DIDO1: variants seen among roughly 807,000 people sequenced by gnomAD.
The protein encoded by DIDO1 is death-inducer obliterator 1.
A neutral mutation model predicts 99.4 loss-of-function variants in DIDO1; 16 were observed. The ratio of observed to expected loss-of-function variants is 0.16; its 90% confidence interval spans 0.11 to 0.24. The LOEUF is 0.24. Ranked by LOEUF, DIDO1 falls within the 10% of genes least tolerant of loss-of-function variation. The pLI is 1.00. For synonymous variants in DIDO1, 1,366 were observed against 1,239.1 expected (o/e 1.10, Z -2.15); for missense variants, 2,996 against 3,014.0 (o/e 0.99, Z 0.14).
intron 1 of DIDO1, 103 bp from the exon 2 acceptor site, chr20:62,914,509 G>A (rs1372419652): frequency 6.6e-6 from 1 of 152,254 alleles, no homozygotes; most frequent in Non-Finnish European, 1.5e-5. Context: ...TTATTTGAGT[G>A]ATACTGTGTG....
intron 2 of DIDO1, among the ~76,000 whole-genome samples, chr20:62,912,945 T>C (rs2064974064): frequency 6.6e-6 from 1 of 152,078 alleles, no homozygotes. Context: ...GGCAGGAGAA[T>C]TGCTTGAATC....
intron 6 of DIDO1, chr20:62,905,591 C>T: frequency 6.4e-7 from 1 of 1,551,218 alleles, no homozygotes; most frequent in Non-Finnish European, 8.7e-7. Flanking sequence ...AATACGAATA[C>T]TTACCAGAGC....
chr20:62,882,913 GC>G (rs1181455468), intron 15 of DIDO1, among the ~76,000 whole-genome samples: 1 of 117,230 alleles, frequency 8.5e-6, no homozygotes, highest in African/African-American at 3.1e-5. Context: ...GTAACAAACA[GC>G]CTTTTTTTTT....
At chr20:62,922,997 T>A (rs2065184894) in intron 1 of DIDO1, among the ~76,000 whole-genome samples, 2 of 151,696 alleles carry the variant, frequency 1.3e-5, no homozygotes. Context: ...TATAGTGAAA[T>A]TCTTTTTGTT....
Position 62,895,133 on chromosome 20 carries a change from G to A in DIDO1, c.2247C>T (p.Ile749=), listed in dbSNP as rs1568846070. 6.2e-7 allele frequency: 1 copy of A among 1,611,824 alleles called. No homozygotes were observed. The change falls in exon 9 of 16, where the codon ATC becomes ATT. Residue 749 remains isoleucine, a synonymous_variant. Coordinates refer to ENST00000395343, the MANE Select transcript of DIDO1 (RefSeq NM_001193369.2). ...TCAGTCTCACAAGTTTCGCCAAAGA[G>A]ATTTCCTCACGCAGAACACGATGGA... ...GLFHRVLREE[I]SLAKLVRLKP...
chr20:62,917,261 G>A (rs560825947), intron 1 of DIDO1, among the ~76,000 whole-genome samples: 3 of 151,974 alleles, frequency 2.0e-5, no homozygotes, highest in African/African-American at 7.3e-5. Context: ...AAACTCCTGG[G>A]ATCAAGTGAT....
In DIDO1 at chr20:62,895,184, C is replaced by T; in HGVS notation, c.2215-19G>A. The T allele has an allele frequency of 1.9e-6, 3 of 1,580,756 alleles. No homozygotes were observed. The highest frequency in any genetic ancestry group is 2.2e-5 in the South Asian group (2 of 90,294). On this transcript the variant is annotated intron_variant, in intron 8 of 15. Coordinates refer to ENST00000395343, the MANE Select transcript of DIDO1 (RefSeq NM_001193369.2). ...AGAGTCCCTATAAACAAGTATTTTT[C>T]ATTTACTCAAATAATATTCCTATAT... is the stretch of plus-strand genomic sequence containing the variant.
chr20:62,920,283 A>T (rs944102074), intron 1 of DIDO1, among the ~76,000 whole-genome samples: 5 of 152,150 alleles, frequency 3.3e-5, no homozygotes, highest in African/African-American at 1.2e-4. Context: ...TTACAGGTTT[A>T]AATCACTGTT....
chr20:62,891,338 C>A (rs2064393592), intron 14 of DIDO1, among the ~76,000 whole-genome samples, 183 bp from the exon 15 acceptor site: 1 of 152,210 alleles, frequency 6.6e-6, no homozygotes, highest in South Asian at 2.1e-4. Context: ...GTGTCTGGAG[C>A]CGAGCCGGCT....
chr20:62,896,635 C>G lies in DIDO1; in HGVS notation c.1950G>C (p.Ser650=), dbSNP rs756256973. 6.2e-7 allele frequency: 1 copy of G among 1,613,878 alleles called. No homozygotes were observed. The highest frequency in any genetic ancestry group is 8.5e-7 in the Non-Finnish European group (1 of 1,179,804). ...TAGCCCCAAGGCGTCCTGGGGCTGGCGAGGCCATTGGAACAGAAGGTACCA... is the reference window on the plus strand; with the variant it reads ...TAGCCCCAAGGCGTCCTGGGGCTGGGGAGGCCATTGGAACAGAAGGTACCA... ...KPVVPSVPMA[S]PAPGRLGAMS... The change falls in exon 7 of 16, where the codon TCG becomes TCC. Residue 650 remains serine, a synonymous_variant. Transcript: ENST00000395343. This position sits in a 1 kb window ranked among gnomAD's most constrained non-coding sequence, Gnocchi z 4.4.
chr20:62,922,051 TA>T (rs2065153630), intron 1 of DIDO1, among the ~76,000 whole-genome samples: 1 of 122,348 alleles, frequency 8.2e-6, no homozygotes, highest in Non-Finnish European at 1.7e-5. Flanking sequence ...ATACACACAA[TA>T]TATATATACA....
chr20:62,929,695 G>GTATATATATATATATA (rs71195479), upstream of DIDO1, among the ~76,000 whole-genome samples: 20 of 97,956 alleles, frequency 2.0e-4, no homozygotes, highest in African/African-American at 7.3e-4. Flanking sequence ...AAGAAAAAGT[G>GTATATATATATATATA]TATATATATA....
chr20:62,917,341 G>C (rs2065056682), intron 1 of DIDO1, among the ~76,000 whole-genome samples: 1 of 152,062 alleles, frequency 6.6e-6, no homozygotes, highest in Non-Finnish European at 1.5e-5. Flanking sequence ...GATAATGTCG[G>C]GTCCAATCTC....
intron 2 of DIDO1, among the ~76,000 whole-genome samples, chr20:62,912,059 C>T (rs527911032): frequency 2.7e-3 from 410 of 152,316 alleles, no homozygotes; most frequent in African/African-American, 9.3e-3. Flanking sequence ...GTGAACAAGA[C>T]GCTGTGCCAG....
In DIDO1 at chr20:62,893,925, G is replaced by C. The variant is rs1180524239; in HGVS notation, c.2842C>G (p.Pro948Ala). 2.5e-6 allele frequency: 4 copies of C among 1,611,820 alleles called. No homozygotes were observed. Among genetic ancestry groups the C allele is most frequent in the African/African-American group, 1.3e-5 (1 of 74,892 alleles). The change falls in exon 12 of 16, where the codon CCC becomes GCC. Residue 948 changes from proline (P) to alanine (A), a missense_variant. Coordinates refer to ENST00000395343, the MANE Select transcript of DIDO1 (RefSeq NM_001193369.2). Reference protein sequence around the residue: ...PEPSPLEDLSPCPASCGSGVV... With the variant: ...PEPSPLEDLSACPASCGSGVV... Reference sequence around the variant, plus strand: ...CCGCTCCCACAGGAGGCTGGGCAGGGGGACAGGTCTTCCAGCGGGGAGGGC... The same window carrying C: ...CCGCTCCCACAGGAGGCTGGGCAGGCGGACAGGTCTTCCAGCGGGGAGGGC...
chr20:62,926,793 T>C (rs2065264943), upstream of DIDO1, among the ~76,000 whole-genome samples: 1 of 152,196 alleles, frequency 6.6e-6, no homozygotes, highest in Non-Finnish European at 1.5e-5. Context: ...AGGCGGAACG[T>C]GGATGCTAGC....
chr20:62,882,070 C>T lies in DIDO1; in HGVS notation c.3886G>A (p.Ala1296Thr). The T allele has an allele frequency of 1.9e-6, 3 of 1,613,612 alleles. No homozygotes were observed. The highest frequency in any genetic ancestry group is 2.5e-6 in the Non-Finnish European group (3 of 1,180,034). ...GCGGTGGAGGAAGCTGCCGTGGAGGCTGCCGCTGCTGTTGTGGCTGCTGTG... is the reference window on the plus strand; with the variant it reads ...GCGGTGGAGGAAGCTGCCGTGGAGGTTGCCGCTGCTGTTGTGGCTGCTGTG... Reference protein sequence around the residue: ...PATAATTAAAASTAASSTASS... With the variant: ...PATAATTAAATSTAASSTASS... Residue 1296 changes from alanine (A) to threonine (T), a missense_variant, in exon 16 of 16, where the codon GCC becomes ACC. By Grantham distance (58) the Ala-to-Thr change is moderately conservative. Around this residue, in one of 5 missense-constraint regions of DIDO1, gnomAD observed 1,562 missense variants for 1,412.6 expected, o/e 1.11. Transcript: ENST00000395343.
intron 12 of DIDO1, among the ~76,000 whole-genome samples, chr20:62,893,168 C>A (rs1444045950): frequency 6.6e-6 from 1 of 152,176 alleles, no homozygotes; most frequent in South Asian, 2.1e-4. Context: ...TGGGACTACA[C>A]GCGTGCATTA....
At chr20:62,927,574 ATACGC>A (rs2065277047), upstream of DIDO1, among the ~76,000 whole-genome samples, 1 of 152,228 alleles carries the variant, frequency 6.6e-6, no homozygotes, top group Non-Finnish European at 1.5e-5. Flanking sequence ...GTGAACAGTG[ATACGC>A]TACCTGGAAG....
Sources: gnomAD v4.1 joint callset for allele counts (sites outside exome capture counted in the v4.1 genomes callset) on GRCh38, gnomAD v4.1.1 for gene constraint, gnomAD v4.1.1 regional missense constraint, Gnocchi (gnomAD v3.1) non-coding constraint, MANE v1.5 for transcripts, NCBI Gene and HGNC (gene_info 2026-07-23, HGNC 2026-07-21) for gene names.